Variants in TTC7A observed in about 807,000 individuals in gnomAD.
TTC7A encodes tetratricopeptide repeat protein 7A.
In TTC7A, 110 loss-of-function variants were observed where a neutral mutation model predicts 103.7. The ratio of observed to expected loss-of-function variants is 1.06; its 90% CI spans 0.91 to 1.24. The LOEUF (loss-of-function observed/expected upper bound fraction) is 1.24. Among genes scored for constraint, TTC7A ranks in the 50% most tolerant of loss-of-function variants. TTC7A has a pLI of 0.00. For synonymous variants in TTC7A, 521 were observed against 467.9 expected, an observed-to-expected ratio of 1.11 and a Z score of -1.47; for missense variants, 1,340 against 1,116.3, an observed-to-expected ratio of 1.20 and a Z score of -2.86.
upstream of TTC7A, among the ~76,000 whole-genome samples, chr2:46,937,287 T>C (rs1231276371): frequency 6.6e-6 from 1 of 151,994 alleles, no homozygotes; most frequent in Non-Finnish European, 1.5e-5. This position sits in a 1 kb window ranked among gnomAD's most constrained non-coding sequence, Gnocchi z 4.0. Context: ...CCCTACCCTA[T>C]GCTCCTCCAT....
intron 15 of TTC7A, among the ~76,000 whole-genome samples, chr2:47,037,315 C>T (rs892377): frequency 0.29 from 43,952 of 152,086 alleles, 7,281 homozygotes; most frequent in East Asian, 0.52. Flanking sequence ...AAGCACAAAA[C>T]ACACTCCAGT....
chr2:47,005,919 C>A lies in TTC7A; in HGVS notation c.1066-3C>A. 6.2e-7 allele frequency: 1 copy of A among 1,614,128 alleles called. No individual in the cohort carries two copies. Among genetic ancestry groups the A allele is most frequent in the Non-Finnish European group, 8.5e-7 (1 of 1,180,022 alleles). ...TCTTTCCCAAACAATGTCCCACCCA[C>A]AGGCAACTCGAGATGTGGTGCTGAG... On this transcript the variant is annotated splice_polypyrimidine_tract_variant and splice_region_variant and intron_variant, in intron 8 of 19. Transcript: ENST00000319190.
At chr2:46,924,062 A>G (rs1332988410) in intron 2 of TTC7A, among the ~76,000 whole-genome samples, 2 of 152,028 alleles carry the variant, frequency 1.3e-5, no homozygotes, top group Non-Finnish European at 2.9e-5. Context: ...AAAAATAGCC[A>G]GGCGTGGTGG....
At chr2:47,021,724 G>T (rs1679304465) in intron 11 of TTC7A, 138 bp from the exon 12 acceptor site, 3 of 725,368 alleles carry the variant, frequency 4.1e-6, no homozygotes, top group Non-Finnish European at 7.2e-6. Flanking sequence ...CTGGGGCAAG[G>T]GAAGCTTCTC....
chr2:46,935,444 A>G (rs1669931875), intron 2 of TTC7A, among the ~76,000 whole-genome samples: 1 of 152,160 alleles, frequency 6.6e-6, no homozygotes, highest in East Asian at 1.9e-4. Flanking sequence ...ACAGACCCCA[A>G]CACTTCATAA....
intron 18 of TTC7A, 54 bp from the exon 19 acceptor site, chr2:47,060,715 G>A: frequency 2.0e-6 from 3 of 1,521,432 alleles, no homozygotes; most frequent in Non-Finnish European, 2.7e-6. Flanking sequence ...AGGGGGTCAG[G>A]ATGCCTCTGA....
At chr2:46,934,357 C>G (rs1669859034) in intron 2 of TTC7A, among the ~76,000 whole-genome samples, 1 of 152,220 alleles carries the variant, frequency 6.6e-6, no homozygotes, top group Non-Finnish European at 1.5e-5. Flanking sequence ...CTTCCGGGTT[C>G]AAGCAATGCT....
At chr2:46,980,482 G>A (rs1489317796) in intron 5 of TTC7A, among the ~76,000 whole-genome samples, 6 of 152,116 alleles carry the variant, frequency 3.9e-5, no homozygotes, top group Non-Finnish European at 8.8e-5. Flanking sequence ...AAAGTGCTGG[G>A]ATTACAGGCG....
At chr2:46,977,847 A>G (rs1407952474) in intron 4 of TTC7A, among the ~76,000 whole-genome samples, 1 of 152,222 alleles carries the variant, frequency 6.6e-6, no homozygotes, top group African/African-American at 2.4e-5. Context: ...TGCTAGGATT[A>G]TAAACGTGAG....
intron 2 of TTC7A, among the ~76,000 whole-genome samples, chr2:46,924,748 C>T (rs377215125): frequency 2.6e-5 from 4 of 152,098 alleles, no homozygotes; most frequent in East Asian, 3.9e-4. Flanking sequence ...TGCCTCAGGC[C>T]CTGGAATAGC....
chr2:47,006,788 G>A (rs1258014595), intron 10 of TTC7A, 64 bp downstream of exon 10: 4 of 1,351,694 alleles, frequency 3.0e-6, no homozygotes, highest in East Asian at 2.3e-5. Flanking sequence ...GAGATGGACA[G>A]AGGGGCTTTT....
chr2:47,061,903 A>T (rs1330643272), intron 19 of TTC7A, among the ~76,000 whole-genome samples: 1 of 152,218 alleles, frequency 6.6e-6, no homozygotes, highest in Non-Finnish European at 1.5e-5. Context: ...GCCCACAGTT[A>T]GCAACAATCT....
chr2:47,027,428 C>T (rs1680035504), intron 14 of TTC7A, among the ~76,000 whole-genome samples: 1 of 152,260 alleles, frequency 6.6e-6, no homozygotes, highest in African/African-American at 2.4e-5. Context: ...CCTGGGAGCG[C>T]CTGCTCTGCT....
chr2:47,014,410 C>G (rs924926523), intron 11 of TTC7A, among the ~76,000 whole-genome samples: 1 of 152,174 alleles, frequency 6.6e-6, no homozygotes, highest in African/African-American at 2.4e-5. Flanking sequence ...TGTGGGATAT[C>G]CAAGGGTTCT....
chr2:47,051,511 A>C (rs1003468766), intron 17 of TTC7A, among the ~76,000 whole-genome samples: 1 of 152,216 alleles, frequency 6.6e-6, no homozygotes, highest in Non-Finnish European at 1.5e-5. Flanking sequence ...AATAGATCCT[A>C]GTGGGATCTC....
rs752828560 is a variant in TTC7A at position 46,994,361 on chromosome 2, C to T, written c.848C>T (p.Ala283Val). 33 of 1,611,348 alleles carry T rather than the reference C, an allele frequency of 2.0e-5. No homozygotes were observed. Among genetic ancestry groups the T allele is most frequent in the South Asian group, 1.2e-4 (11 of 90,794 alleles). The change falls in exon 7 of 20, where the codon GCG becomes GTG. Residue 283 changes from alanine to valine, a missense_variant. Physicochemically the swap from Ala to Val is moderately conservative, Grantham distance 64. Transcript: ENST00000319190. ...GAGTGCTTCCCTCTCTGCCAGATGGCGGCCAAGCACCTGGCGGGGGTCCTG... is the reference window on the plus strand; with the variant it reads ...GAGTGCTTCCCTCTCTGCCAGATGGTGGCCAAGCACCTGGCGGGGGTCCTG... ...TKATQNFKVM[A>V]AKHLAGVLLH...
intron 5 of TTC7A, among the ~76,000 whole-genome samples, chr2:46,990,235 T>C (rs1675489721): frequency 6.6e-6 from 1 of 152,258 alleles, no homozygotes. Flanking sequence ...GTCTGTCTTT[T>C]TCCTGTCTTC....
chr2:47,013,819 G>T (rs114004382), intron 11 of TTC7A, among the ~76,000 whole-genome samples: 1 of 152,178 alleles, frequency 6.6e-6, no homozygotes, highest in Admixed American at 6.5e-5. Context: ...CATCAGAATC[G>T]AGGAGAAGGG....
chr2:46,997,500 G>A (rs759998276), intron 8 of TTC7A, among the ~76,000 whole-genome samples: 1 of 152,190 alleles, frequency 6.6e-6, no homozygotes, highest in Admixed American at 6.5e-5. Context: ...GTCTAATACT[G>A]TATGTTCCCA....
Sources: gnomAD v4.1 joint callset for allele counts (sites outside exome capture counted in the v4.1 genomes callset) on GRCh38, gnomAD v4.1.1 for gene constraint, Gnocchi (gnomAD v3.1) non-coding constraint, MANE v1.5 for transcripts, NCBI Gene and HGNC (gene_info 2026-07-23, HGNC 2026-07-21) for gene names.